TNR: variants seen among roughly 807,000 people sequenced by gnomAD.
TNR encodes tenascin R, also known as tenascin-R.
Under a neutral mutation model 150.4 loss-of-function variants are expected in TNR, and 45 were observed. The observed-to-expected ratio is 0.30, with a 90% CI of 0.24 to 0.38. The LOEUF (loss-of-function observed/expected upper bound fraction) is 0.38, where lower values mean the gene tolerates loss of function less well. TNR is among the 10% of genes least tolerant of loss of function. The pLI, the probability that TNR is intolerant of heterozygous loss-of-function variation, is 1.00. For synonymous variants in TNR, 687 were observed against 678.4 expected (o/e 1.01, Z -0.20); for missense variants, 1,544 against 1,759.1 (o/e 0.88, Z 2.19).
intron 1 of TNR, among the ~76,000 whole-genome samples, chr1:175,624,632 G>C (rs1664086859): frequency 6.6e-6 from 1 of 152,160 alleles, no homozygotes. Context: ...AAGAAATCTT[G>C]GCCCTGCTGA....
rs575285516 is a variant in TNR, at chr1:175,682,364, T to C, written c.-165+60862A>G. Reference sequence around the variant, plus strand: ...AGTGGGGGTGACGATTCTTGTGTTCTAGGCAGAGACGCCGCTCAGAGAGGC... The same window carrying C: ...AGTGGGGGTGACGATTCTTGTGTTCCAGGCAGAGACGCCGCTCAGAGAGGC... On this transcript the variant is annotated intron_variant, in intron 1 of 22. Coordinates refer to ENST00000367674, the MANE Select transcript of TNR (RefSeq NM_003285.3). Among the ~76,000 whole-genome samples the C allele has an allele frequency of 3.9e-5, 6 of 152,322 alleles. No homozygotes were observed. In the South Asian group the frequency reaches 1.2e-3, roughly 32 times the overall value.
chr1:175,702,466 T>C (rs1666724360), intron 1 of TNR, among the ~76,000 whole-genome samples: 1 of 152,218 alleles, frequency 6.6e-6, no homozygotes, highest in Admixed American at 6.5e-5. Flanking sequence ...AAGGCATCCT[T>C]GGCAGGTGCC....
Position 175,372,612 on chromosome 1 carries a change from C to A in TNR, c.1964-5315G>T, listed in dbSNP as rs1006799646. ...CTGTGGTGATAAAGGCAGAATGACT[C>A]ACTTAGCCCTGTTTTGGGAACCTAT... On this transcript the variant is annotated intron_variant, in intron 9 of 22. Coordinates refer to ENST00000367674, the MANE Select transcript of TNR (RefSeq NM_003285.3). Among the ~76,000 whole-genome samples, 9 of 152,270 alleles carry A rather than the reference C, an allele frequency of 5.9e-5. 1 individual carries two copies. In the South Asian group the frequency reaches 1.9e-3, roughly 32 times the overall value.
At chr1:175,697,777 C>G (rs1246441001) in intron 1 of TNR, among the ~76,000 whole-genome samples, 1 of 152,244 alleles carries the variant, frequency 6.6e-6, no homozygotes, top group African/African-American at 2.4e-5. Flanking sequence ...CCAGCCAACC[C>G]TCCTGAGTCC....
At position 175,379,577 on chromosome 1, in the gene TNR, A is replaced by T; in HGVS notation, c.1938T>A (p.Gly646=). Reference sequence around the variant, plus strand: ...CTGTCAGGGTGGCCCTGGTGGTTGGACCAATGCCCCTGGGGACCAGTACCT... The same window carrying T: ...CTGTCAGGGTGGCCCTGGTGGTTGGTCCAATGCCCCTGGGGACCAGTACCT... The part of the protein sequence containing the change: ...YHEVLVPRGI[G]PTTRATLTDL... The change falls in exon 9 of 23, where the codon GGT becomes GGA. Residue 646 remains glycine (G), a synonymous_variant. Coordinates refer to ENST00000367674, the MANE Select transcript of TNR (RefSeq NM_003285.3). The T allele has an allele frequency of 6.2e-7, 1 of 1,613,658 alleles. No individual in the cohort carries two copies.
intron 2 of TNR, among the ~76,000 whole-genome samples, chr1:175,524,267 T>A (rs1046084197): frequency 6.6e-6 from 1 of 151,994 alleles, no homozygotes; most frequent in Non-Finnish European, 1.5e-5. Flanking sequence ...GTCTGCCGAA[T>A]TATGTTGAAT....
chr1:175,655,460 G>T (rs1339874257), intron 1 of TNR, among the ~76,000 whole-genome samples: 1 of 152,186 alleles, frequency 6.6e-6, no homozygotes, highest in African/African-American at 2.4e-5. Flanking sequence ...CTGTCACTTA[G>T]GTAGTAATTG....
In TNR at chr1:175,400,629, A is replaced by C. The variant is rs571235225; in HGVS notation, c.976+2511T>G. Among the ~76,000 whole-genome samples, 4 of 152,310 alleles carry C rather than the reference A, an allele frequency of 2.6e-5. No homozygotes were observed. The East Asian group carries it at 7.7e-4, about 29-fold the overall frequency. Reference sequence around the variant, plus strand: ...TAGGGGGCCTCAGAATGCAATCCACACAATGGGCAGCTATTTTCTACGCCC... The same window carrying C: ...TAGGGGGCCTCAGAATGCAATCCACCCAATGGGCAGCTATTTTCTACGCCC... On this transcript the variant is annotated intron_variant, in intron 4 of 22. Transcript: ENST00000367674.
chr1:175,385,536 T>TTA (rs1241285367), intron 8 of TNR, among the ~76,000 whole-genome samples: 3 of 152,210 alleles, frequency 2.0e-5, no homozygotes, highest in Admixed American at 2.0e-4. Flanking sequence ...GAAGTTCTGC[T>TTA]TAGAGTTGTA....
intron 1 of TNR, among the ~76,000 whole-genome samples, chr1:175,717,736 C>T (rs1326224768): frequency 6.6e-6 from 1 of 152,190 alleles, no homozygotes. Context: ...AAGGCCCTTG[C>T]TGTGACATTT....
At chr1:175,492,560 C>A (rs1322237375) in intron 2 of TNR, among the ~76,000 whole-genome samples, 1 of 152,138 alleles carries the variant, frequency 6.6e-6, no homozygotes, top group Non-Finnish European at 1.5e-5. Context: ...GAGTTCCCAT[C>A]CCCAAAGGCA....
chr1:175,445,440 A>ATT (rs201803514), intron 2 of TNR, among the ~76,000 whole-genome samples: 2 of 151,706 alleles, frequency 1.3e-5, no homozygotes, highest in African/African-American at 4.8e-5. Context: ...CTGTTCAAGG[A>ATT]TTTTTTTTTC....
chr1:175,347,839 G>A (rs997713962), intron 18 of TNR, among the ~76,000 whole-genome samples: 4 of 151,886 alleles, frequency 2.6e-5, no homozygotes, highest in African/African-American at 7.3e-5. Flanking sequence ...TTCCTTTTGC[G>A]AATGCAACTA....
intron 1 of TNR, among the ~76,000 whole-genome samples, chr1:175,662,210 T>C (rs947616080): frequency 2.0e-5 from 3 of 152,210 alleles, no homozygotes; most frequent in African/African-American, 7.2e-5. Flanking sequence ...TGGTGGTTCA[T>C]AAAAGCTGGT....
chr1:175,371,288 T>G (rs1006032459), intron 9 of TNR, among the ~76,000 whole-genome samples: 1 of 152,222 alleles, frequency 6.6e-6, no homozygotes, highest in Non-Finnish European at 1.5e-5. Flanking sequence ...AAATCACTAC[T>G]CTCTGTTCCT....
At chr1:175,400,296 T>G (rs1186360452) in intron 4 of TNR, among the ~76,000 whole-genome samples, 1 of 152,206 alleles carries the variant, frequency 6.6e-6, no homozygotes, top group Non-Finnish European at 1.5e-5. Flanking sequence ...GATAAAAGAG[T>G]GCTAGAAGCT....
intron 1 of TNR, among the ~76,000 whole-genome samples, chr1:175,689,084 A>G (rs944941093): frequency 1.9e-4 from 29 of 152,236 alleles, no homozygotes; most frequent in Non-Finnish European, 2.6e-4. Flanking sequence ...GCAGGCCTCA[A>G]TGCCCTGGCT....
At chr1:175,521,224 C>T (rs1368381543) in intron 2 of TNR, among the ~76,000 whole-genome samples, 3 of 152,152 alleles carry the variant, frequency 2.0e-5, no homozygotes, top group Non-Finnish European at 4.4e-5. Flanking sequence ...CCTTACTTTA[C>T]CAATCTCTTC....
chr1:175,592,607 A>G (rs1662844546), intron 1 of TNR, among the ~76,000 whole-genome samples: 1 of 152,198 alleles, frequency 6.6e-6, no homozygotes, highest in South Asian at 2.1e-4. Context: ...ATTTCTGAGG[A>G]TCAATCACTA....
Sources: allele counts gnomAD v4.1 joint callset (sites outside exome capture counted in the v4.1 genomes callset), GRCh38; gene constraint gnomAD v4.1.1; transcripts MANE v1.5; gene names NCBI Gene and HGNC (gene_info 2026-07-23, HGNC 2026-07-21).